GFRA1: variants seen among roughly 807,000 people sequenced by gnomAD.
The protein encoded by GFRA1 is GDNF family receptor alpha-1.
Under a neutral mutation model 51.6 loss-of-function variants are expected in GFRA1, and 16 were observed. That is an observed-to-expected ratio of 0.31 (90% confidence interval 0.21 to 0.47). The LOEUF (loss-of-function observed/expected upper bound fraction) is 0.47, where lower values mean the gene tolerates loss of function less well. Ranked by LOEUF, GFRA1 falls within the 20% of genes least tolerant of loss-of-function variation. The probability of loss-of-function intolerance (pLI) is 1.00; values close to 1 mark genes in which losing one functional copy is unlikely to be tolerated. For synonymous variants in GFRA1, 270 were observed against 241.3 expected (o/e 1.12, Z -1.10); for missense variants, 530 against 594.3 (o/e 0.89, Z 1.13).
intron 9 of GFRA1, among the ~76,000 whole-genome samples, chr10:116,084,108 G>T (rs959676178): frequency 1.2e-4 from 18 of 152,144 alleles, no homozygotes; most frequent in African/African-American, 4.3e-4. Context: ...ACACAAAGAG[G>T]GGCCCACGGT....
intron 5 of GFRA1, among the ~76,000 whole-genome samples, chr10:116,208,788 G>A (rs748759388): frequency 6.6e-6 from 1 of 152,194 alleles, no homozygotes; most frequent in Non-Finnish European, 1.5e-5. Context: ...CAAATGAGGC[G>A]TGCATGTGTG....
intron 9 of GFRA1, among the ~76,000 whole-genome samples, chr10:116,074,493 C>A (rs1368851110): frequency 1.3e-5 from 2 of 152,172 alleles, no homozygotes; most frequent in Non-Finnish European, 2.9e-5. Context: ...CCAAGCTTCA[C>A]CCCAGAAACC....
chr10:116,252,236 G>A (rs1264786798), intron 4 of GFRA1, among the ~76,000 whole-genome samples: 3 of 151,932 alleles, frequency 2.0e-5, no homozygotes, highest in South Asian at 2.1e-4. Context: ...TCCAAGGCTC[G>A]CCCACAATAC....
intron 6 of GFRA1, among the ~76,000 whole-genome samples, chr10:116,115,031 A>G (rs901387335): frequency 6.6e-6 from 1 of 152,160 alleles, no homozygotes. Flanking sequence ...ACTGACAACT[A>G]CTGGGGAAGG....
At chr10:116,201,937 C>T (rs185691204) in intron 5 of GFRA1, among the ~76,000 whole-genome samples, 26 of 152,328 alleles carry the variant, frequency 1.7e-4, no homozygotes, top group Non-Finnish European at 3.4e-4. Flanking sequence ...ATTGATTACA[C>T]TACCAGAGTT....
chr10:116,263,482 C>T lies in GFRA1; in HGVS notation c.418+6021G>A, dbSNP rs563979019. ...TAAGGTGAATGGCAGAGCTGGGATT[C>T]ATTCACCCAGGTTGGTGGAACTCCA... On this transcript the variant is annotated intron_variant, in intron 4 of 10. Coordinates refer to ENST00000355422, the MANE Select transcript of GFRA1 (RefSeq NM_005264.8). 1.5e-4 allele frequency among the ~76,000 whole-genome samples: 23 copies of T among 152,320 alleles called. No homozygotes were observed. In the South Asian group the frequency reaches 4.8e-3, roughly 32 times the overall value.
At chr10:116,075,016 T>C (rs2133810267) in intron 9 of GFRA1, among the ~76,000 whole-genome samples, 1 of 152,300 alleles carries the variant, frequency 6.6e-6, no homozygotes, top group South Asian at 2.1e-4. Context: ...CTATTCCTTT[T>C]TATTAAGCAT....
At chr10:116,158,071 T>G (rs1178851705) in intron 5 of GFRA1, among the ~76,000 whole-genome samples, 2 of 152,224 alleles carry the variant, frequency 1.3e-5, no homozygotes, top group Non-Finnish European at 2.9e-5. Flanking sequence ...GGTACACGGC[T>G]TGTCATTCCT....
chr10:116,210,038 T>G (rs1965070246), intron 5 of GFRA1, among the ~76,000 whole-genome samples: 1 of 152,180 alleles, frequency 6.6e-6, no homozygotes, highest in South Asian at 2.1e-4. Flanking sequence ...TAAGTCTCGA[T>G]AGCCAGTGAT....
intron 5 of GFRA1, among the ~76,000 whole-genome samples, chr10:116,159,430 T>C (rs1293996958): frequency 6.6e-6 from 1 of 152,202 alleles, no homozygotes; most frequent in East Asian, 1.9e-4. Flanking sequence ...TAGTGGATCC[T>C]CGTGCAGGCC....
At chr10:116,234,013 C>G (rs1966839390) in intron 4 of GFRA1, among the ~76,000 whole-genome samples, 2 of 152,196 alleles carry the variant, frequency 1.3e-5, no homozygotes, top group African/African-American at 2.4e-5. Flanking sequence ...TCCTCAGCCC[C>G]TGGGTTGAAT....
chr10:116,205,596 G>GATATATATATATATAAATATATATATAT (rs1964680643), intron 5 of GFRA1, among the ~76,000 whole-genome samples: 9 of 140,556 alleles, frequency 6.4e-5, no homozygotes, highest in African/African-American at 2.1e-4. Context: ...AAAAAAAAAA[G>GATATATATATATATAAATATATATATAT]ATATATATAT....
At chr10:116,110,753 C>T (rs1208374193) in intron 6 of GFRA1, among the ~76,000 whole-genome samples, 1 of 152,158 alleles carries the variant, frequency 6.6e-6, no homozygotes, top group Non-Finnish European at 1.5e-5. Flanking sequence ...ATGTAAGATG[C>T]TGTGTAAAAG....
chr10:116,210,884 A>G (rs1220336052), intron 5 of GFRA1, among the ~76,000 whole-genome samples: 2 of 152,184 alleles, frequency 1.3e-5, no homozygotes, highest in Non-Finnish European at 2.9e-5. Flanking sequence ...ACTTTTACCC[A>G]GTAGTGTCAA....
At position 116,093,732 on chromosome 10, in the gene GFRA1, A is replaced by T. The variant is rs138558253; in HGVS notation, c.985T>A (p.Leu329Met). Residue 329 changes from leucine to methionine, a missense_variant, in exon 8 of 11, where the codon TTG (leucine) becomes ATG (methionine). By Grantham distance (15) the Leu-to-Met change is conservative. Coordinates refer to ENST00000355422, the MANE Select transcript of GFRA1 (RefSeq NM_005264.8). ...CATGTATTGTCCTTGAAGAAATTCA[A>T]AAATTTCAAGCACTCTTCTAGGTCG... The part of the protein sequence containing the change: ...GNDLEECLKF[L>M]NFFKDNTCLK... 7.4e-6 allele frequency: 12 copies of T among 1,613,838 alleles called. No individual in the cohort carries two copies. In the African/African-American group the frequency reaches 1.6e-4, roughly 22 times the overall value.
intron 9 of GFRA1, among the ~76,000 whole-genome samples, chr10:116,075,790 G>C (rs1475343524): frequency 6.6e-6 from 1 of 152,016 alleles, no homozygotes; most frequent in East Asian, 1.9e-4. Context: ...TTTCACCCAG[G>C]CTGGACTGCA....
intron 4 of GFRA1, among the ~76,000 whole-genome samples, chr10:116,252,339 G>A (rs567854627): frequency 6.6e-6 from 1 of 152,164 alleles, no homozygotes; most frequent in South Asian, 2.1e-4. Flanking sequence ...TACCCTTCAC[G>A]TGGTAGGAAC....
chr10:116,183,108 T>C (rs1686803710), intron 5 of GFRA1, among the ~76,000 whole-genome samples: 1 of 152,226 alleles, frequency 6.6e-6, no homozygotes, highest in Non-Finnish European at 1.5e-5. Flanking sequence ...CATGCATTCT[T>C]TTCCTCAGAG....
At chr10:116,143,228 G>A (rs1376820343) in intron 5 of GFRA1, among the ~76,000 whole-genome samples, 2 of 151,932 alleles carry the variant, frequency 1.3e-5, no homozygotes, top group African/African-American at 4.8e-5. Context: ...GAAAGCTGGA[G>A]TATTTCAGAG....
Sources: gnomAD v4.1 joint callset for allele counts (sites outside exome capture counted in the v4.1 genomes callset) on GRCh38, gnomAD v4.1.1 for gene constraint, MANE v1.5 for transcripts, NCBI Gene and HGNC (gene_info 2026-07-23, HGNC 2026-07-21) for gene names.